PRKCH: variants seen among roughly 807,000 people sequenced by gnomAD.
The protein encoded by PRKCH is protein kinase C eta, also known as protein kinase C eta type.
A neutral mutation model predicts 82.5 loss-of-function variants in PRKCH; 28 were observed. The ratio of observed to expected loss-of-function variants is 0.34; its 90% CI spans 0.25 to 0.47. PRKCH has a LOEUF of 0.47. Among genes scored for constraint, PRKCH ranks in the 20% least tolerant of loss-of-function variants. The pLI is 1.00. For synonymous variants in PRKCH, 322 were observed against 327.4 expected (o/e 0.98, Z 0.18); for missense variants, 705 against 881.8 (o/e 0.80, Z 2.54).
At chr14:61,384,491 A>G (rs1323477926) in intron 1 of PRKCH, among the ~76,000 whole-genome samples, 1 of 151,530 alleles carries the variant, frequency 6.6e-6, no homozygotes, top group Non-Finnish European at 1.5e-5. Context: ...AGAAGATTGA[A>G]TGGCCTTCCT....
chr14:61,515,675 T>A (rs2042815706), intron 10 of PRKCH, among the ~76,000 whole-genome samples: 1 of 152,198 alleles, frequency 6.6e-6, no homozygotes, highest in South Asian at 2.1e-4. Context: ...CTTTGGCTCC[T>A]GGCTCTATTA....
chr14:61,471,083 T>C (rs10483734), intron 9 of PRKCH, among the ~76,000 whole-genome samples: 20,807 of 152,178 alleles, frequency 0.14, 2,505 homozygotes, highest in East Asian at 0.32. Flanking sequence ...TTGGACACAA[T>C]CAAGAAAAAT....
rs763745405 is a variant in PRKCH, at chr14:61,457,567, A to G, written c.1166A>G (p.Asp389Gly). ...DLYAVKVLKK[D>G]VILQDDDVEC... ...TATGCTGTGAAGGTGCTGAAGAAGG[A>G]CGTGATTCTGCAGGATGATGATGTG... The change falls in exon 9 of 14, where the codon GAC becomes GGC. Residue 389 changes from aspartate to glycine, a missense_variant. By Grantham distance (94) the Asp-to-Gly change is moderately conservative. Coordinates refer to ENST00000332981, the MANE Select transcript of PRKCH (RefSeq NM_006255.5). 1 of 1,614,144 alleles carries G rather than the reference A, an allele frequency of 6.2e-7. No individual in the cohort carries two copies. Among genetic ancestry groups the G allele is most frequent in the South Asian group, 1.1e-5 (1 of 91,076 alleles).
intron 1 of PRKCH, among the ~76,000 whole-genome samples, chr14:61,362,033 C>T (rs191794996): frequency 6.6e-6 from 1 of 152,232 alleles, no homozygotes; most frequent in East Asian, 1.9e-4. Flanking sequence ...AGACTAATTG[C>T]TGTATTATCT....
intron 1 of PRKCH, among the ~76,000 whole-genome samples, chr14:61,229,894 C>T (rs2044727691): frequency 6.6e-6 from 1 of 152,166 alleles, no homozygotes; most frequent in Non-Finnish European, 1.5e-5. Context: ...GGCATGGGCT[C>T]CATCAACATT....
At chr14:61,530,277 G>C in intron 11 of PRKCH, 130 bp from the exon 12 acceptor site, 1 of 1,003,782 alleles carries the variant, frequency 1.0e-6, no homozygotes, top group African/African-American at 1.6e-5. Context: ...AATGAAATAC[G>C]CTTGCTAGCA....
intron 2 of PRKCH, among the ~76,000 whole-genome samples, chr14:61,408,418 C>A (rs911812731): frequency 1.3e-5 from 2 of 152,128 alleles, no homozygotes; most frequent in Admixed American, 1.3e-4. Context: ...ACTGTTAATC[C>A]TTACAGTCAA....
At chr14:61,428,726 G>A (rs1056542723) in intron 2 of PRKCH, among the ~76,000 whole-genome samples, 29 of 152,230 alleles carry the variant, frequency 1.9e-4, no homozygotes, top group African/African-American at 6.3e-4. Flanking sequence ...CACCAAAAAT[G>A]CTTTAGTGGG....
intron 1 of PRKCH, among the ~76,000 whole-genome samples, chr14:61,275,468 G>A (rs576902945): frequency 1.1e-4 from 16 of 152,140 alleles, no homozygotes; most frequent in Non-Finnish European, 7.4e-5. Flanking sequence ...CACTATAATG[G>A]GAACTTAGTT....
chr14:61,387,525 A>G (rs1449604339), intron 1 of PRKCH, among the ~76,000 whole-genome samples: 2 of 152,232 alleles, frequency 1.3e-5, no homozygotes, highest in African/African-American at 2.4e-5. Flanking sequence ...GTTTGTATTC[A>G]TAGAGAAAGA....
At chr14:61,301,098 C>T (rs2045444318) in intron 1 of PRKCH, among the ~76,000 whole-genome samples, 1 of 152,150 alleles carries the variant, frequency 6.6e-6, no homozygotes, top group African/African-American at 2.4e-5. Context: ...TCTCTTTTCT[C>T]TTTCTTTCGC....
At chr14:61,352,507 A>G (rs2046090916) in intron 1 of PRKCH, among the ~76,000 whole-genome samples, 1 of 152,012 alleles carries the variant, frequency 6.6e-6, no homozygotes, top group African/African-American at 2.4e-5. Flanking sequence ...TACTAAAAAT[A>G]CAAAAAATTA....
intron 10 of PRKCH, among the ~76,000 whole-genome samples, chr14:61,520,731 A>T (rs974367660): frequency 4.6e-5 from 7 of 152,240 alleles, no homozygotes; most frequent in African/African-American, 1.7e-4. Flanking sequence ...TAGAAGGATG[A>T]TTCCATCTAG....
intron 1 of PRKCH, among the ~76,000 whole-genome samples, chr14:61,244,761 G>A (rs901629460): frequency 1.3e-5 from 2 of 152,152 alleles, no homozygotes; most frequent in African/African-American, 2.4e-5. Context: ...GCTTTAGTCC[G>A]CCCTCAACTG....
chr14:61,330,919 A>T (rs996084308), intron 1 of PRKCH, among the ~76,000 whole-genome samples: 1 of 151,508 alleles, frequency 6.6e-6, no homozygotes, highest in Non-Finnish European at 1.5e-5. Flanking sequence ...TGGGTCACAC[A>T]TAAAATACGC....
At chr14:61,242,325 A>G (rs558762837) in intron 1 of PRKCH, among the ~76,000 whole-genome samples, 3 of 152,314 alleles carry the variant, frequency 2.0e-5, no homozygotes, top group African/African-American at 7.2e-5. Context: ...AGCCTAGTAC[A>G]TTTTAAGAAA....
chr14:61,289,966 T>C (rs777100026), intron 1 of PRKCH, among the ~76,000 whole-genome samples: 13 of 152,036 alleles, frequency 8.6e-5, no homozygotes, highest in Non-Finnish European at 8.8e-5. Flanking sequence ...AGCCATTAGC[T>C]CAGAAGAACT....
rs142078919 is a variant in PRKCH, at chr14:61,462,202, G to A, written c.1278+4523G>A. On this transcript the variant is annotated intron_variant, in intron 9 of 13. Coordinates refer to ENST00000332981, the MANE Select transcript of PRKCH (RefSeq NM_006255.5). ...AGCCTAAGTGTTTGAGACCAGCCTG[G>A]CCAACGTGGTGAAACCCCGTCTACT... Among the ~76,000 whole-genome samples, 332 of 152,286 alleles carry A rather than the reference G, an allele frequency of 2.2e-3. 1 individual carries two copies. The highest frequency in any genetic ancestry group is 7.5e-3 in the African/African-American group (312 of 41,558).
chr14:61,244,686 G>A (rs554830276), intron 1 of PRKCH, among the ~76,000 whole-genome samples: 4 of 152,288 alleles, frequency 2.6e-5, no homozygotes, highest in African/African-American at 4.8e-5. Flanking sequence ...CCACAGTAAC[G>A]GGCATCTGGT....
Sources: allele counts gnomAD v4.1 joint callset (sites outside exome capture counted in the v4.1 genomes callset), GRCh38; gene constraint gnomAD v4.1.1; transcripts MANE v1.5; gene names NCBI Gene and HGNC (gene_info 2026-07-23, HGNC 2026-07-21).